Variants in NCF2 observed in about 807,000 individuals in gnomAD.
The protein encoded by NCF2 is neutrophil cytosol factor 2.
In NCF2, 45 loss-of-function variants were observed where a neutral mutation model predicts 70.9. The ratio of observed to expected loss-of-function variants is 0.63; its 90% CI spans 0.50 to 0.81. The LOEUF (loss-of-function observed/expected upper bound fraction) is 0.81. Among genes scored for constraint, NCF2 ranks in the 40% least tolerant of loss-of-function variants. The probability of loss-of-function intolerance (pLI) is 0.00; values close to 1 mark genes in which losing one functional copy is unlikely to be tolerated. For missense variants in NCF2, 522 were observed against 631.6 expected (o/e 0.83, Z 1.86); for synonymous variants, 203 against 233.6 (o/e 0.87, Z 1.19).
At chr1:183,577,100 G>T (rs540603317) in intron 3 of NCF2, among the ~76,000 whole-genome samples, 4 of 152,248 alleles carry the variant, frequency 2.6e-5, no homozygotes, top group Admixed American at 6.5e-5. Context: ...CTCTCTTTAG[G>T]TATCAATCAA....
At position 183,556,086 on chromosome 1, in the gene NCF2, A is replaced by G; in HGVS notation, c.*32T>C. On this transcript the variant is annotated 3_prime_UTR_variant, in exon 15 of 15. Coordinates refer to ENST00000367535, the MANE Select transcript of NCF2 (RefSeq NM_000433.4). ...TCTTACAAACAAGTAATAGGGCTTCATTTTCTTCAGCTTTGTAGTTTGTGA... is the reference window on the plus strand; with the variant it reads ...TCTTACAAACAAGTAATAGGGCTTCGTTTTCTTCAGCTTTGTAGTTTGTGA... 1.3e-6 allele frequency: 2 copies of G among 1,572,910 alleles called. No individual in the cohort carries two copies. Among genetic ancestry groups the G allele is most frequent in the Non-Finnish European group, 1.8e-6 (2 of 1,142,476 alleles).
upstream of NCF2, among the ~76,000 whole-genome samples, chr1:183,591,636 C>A (rs1198076223): frequency 6.6e-6 from 1 of 152,064 alleles, no homozygotes; most frequent in African/African-American, 2.4e-5. Flanking sequence ...AAGCCTGCCA[C>A]CACGCCCTGC....
chr1:183,595,156 C>CT (rs753970572), upstream of NCF2, among the ~76,000 whole-genome samples: 31 of 152,168 alleles, frequency 2.0e-4, no homozygotes, highest in Non-Finnish European at 3.2e-4. Context: ...AAAGAACGCA[C>CT]TTTTTTGCCG....
intron 2 of NCF2, among the ~76,000 whole-genome samples, chr1:183,584,175 T>C (rs1673234760): frequency 6.6e-6 from 1 of 152,180 alleles, no homozygotes; most frequent in South Asian, 2.1e-4. Flanking sequence ...ATCCTCAAGG[T>C]TCACATACGG....
intron 2 of NCF2, among the ~76,000 whole-genome samples, chr1:183,582,281 T>C (rs1425696543): frequency 1.3e-5 from 2 of 152,212 alleles, no homozygotes; most frequent in African/African-American, 2.4e-5. Flanking sequence ...GCAGCCAAGG[T>C]GCTGGCAGCT....
the NCF2 span, among the ~76,000 whole-genome samples, chr1:183,601,233 C>G: frequency 2.0e-5 from 3 of 152,300 alleles, no homozygotes; most frequent in East Asian, 5.8e-4. Flanking sequence ...TTCTGCTTCT[C>G]ACTCTTTAAC....
chr1:183,559,383 T>G (rs754890421), intron 14 of NCF2, among the ~76,000 whole-genome samples: 36 of 152,216 alleles, frequency 2.4e-4, no homozygotes, highest in Non-Finnish European at 4.7e-4. Context: ...TAGTTCTGAA[T>G]AGCTGGTTTT....
intron 7 of NCF2, 48 bp downstream of exon 7, chr1:183,569,094 C>T: frequency 6.4e-7 from 1 of 1,570,470 alleles, no homozygotes; most frequent in Non-Finnish European, 8.8e-7. Context: ...GCCATCAGCT[C>T]AGGCTTGGCG....
chr1:183,579,939 T>C (rs1172053895), intron 2 of NCF2, among the ~76,000 whole-genome samples: 1 of 152,142 alleles, frequency 6.6e-6, no homozygotes, highest in African/African-American at 2.4e-5. Context: ...CAGCCACTTA[T>C]TACGTGTTTA....
At chr1:183,556,379 G>A in intron 14 of NCF2, 149 bp from the exon 15 acceptor site, 1 of 720,686 alleles carries the variant, frequency 1.4e-6, no homozygotes, top group African/African-American at 1.7e-5. Flanking sequence ...AAAGTGGTTT[G>A]AGAGTGAACA....
chr1:183,600,169 G>A, the NCF2 span, among the ~76,000 whole-genome samples: 13 of 152,104 alleles, frequency 8.5e-5, no homozygotes, highest in Non-Finnish European at 1.5e-4. Flanking sequence ...TGTAAAGATC[G>A]GCTCCTAAGT....
chr1:183,587,595 C>CAAAAAAAAAAAAAAA (rs11287969), intron 1 of NCF2, among the ~76,000 whole-genome samples: 4 of 41,892 alleles, frequency 9.5e-5, no homozygotes, highest in Non-Finnish European at 1.4e-4. Context: ...CACCCTGTCT[C>CAAAAAAAAAAAAAAA]AAAAAAAAAA....
At chr1:183,587,073 C>T in intron 1 of NCF2, 96 bp from the exon 2 acceptor site, 1 of 1,198,356 alleles carries the variant, frequency 8.3e-7, no homozygotes. Flanking sequence ...CCTGTGGTGC[C>T]CAGCTCTGCT....
At chr1:183,584,069 T>C (rs924644755) in intron 2 of NCF2, among the ~76,000 whole-genome samples, 1 of 152,152 alleles carries the variant, frequency 6.6e-6, no homozygotes, top group African/African-American at 2.4e-5. Context: ...TGATGAGGTT[T>C]AGGGAAAGAG....
chr1:183,561,779 CTTTTTTTTTTTTTTTTTTTTT>C (rs57218247), intron 13 of NCF2, among the ~76,000 whole-genome samples: 8 of 65,162 alleles, frequency 1.2e-4, no homozygotes, highest in Admixed American at 4.1e-4. Context: ...TACCAGGCCT[CTTTTTTTTTTTTTTTTTTTTT>C]TTTTTTTTTT....
chr1:183,565,702 A>C lies in NCF2; in HGVS notation c.1000+2T>G. 6.2e-7 allele frequency: 1 copy of C among 1,612,268 alleles called. No homozygotes were observed. The highest frequency in any genetic ancestry group is 8.5e-7 in the Non-Finnish European group (1 of 1,179,896). Reference sequence around the variant, plus strand: ...CTAGGCTGTGGCTCCAGGACCACTCACCTGGTGACAGCTGGGGTCTTCCAG... The same window carrying C: ...CTAGGCTGTGGCTCCAGGACCACTCCCCTGGTGACAGCTGGGGTCTTCCAG... On this transcript the variant is annotated splice_donor_variant, in intron 10 of 14. Transcript: ENST00000367535. LOFTEE classifies it high-confidence loss of function.
intron 1 of NCF2, among the ~76,000 whole-genome samples, chr1:183,587,253 T>C (rs1264928736): frequency 6.6e-6 from 1 of 152,210 alleles, no homozygotes; most frequent in African/African-American, 2.4e-5. Context: ...ATATACCATC[T>C]GATTTCTGCT....
At chr1:183,568,628 C>G (rs906462382) in intron 7 of NCF2, among the ~76,000 whole-genome samples, 3 of 151,042 alleles carry the variant, frequency 2.0e-5, no homozygotes, top group African/African-American at 7.3e-5. Flanking sequence ...CTTCAGAAAG[C>G]ATGTGCCGAT....
chr1:183,578,171 C>A (rs1252337038), intron 2 of NCF2, among the ~76,000 whole-genome samples: 1 of 152,116 alleles, frequency 6.6e-6, no homozygotes, highest in Non-Finnish European at 1.5e-5. Flanking sequence ...CTTGGAGGGG[C>A]CCCTTCTTAT....
Sources: gnomAD v4.1 joint callset for allele counts (sites outside exome capture counted in the v4.1 genomes callset) on GRCh38, gnomAD v4.1.1 for gene constraint, MANE v1.5 for transcripts, NCBI Gene and HGNC (gene_info 2026-07-23, HGNC 2026-07-21) for gene names.